The following ZNF438 variants were observed in gnomAD, a reference collection of about 807,000 sequenced individuals.
The protein encoded by ZNF438 is zinc finger protein 438.
ZNF438 carries 25 observed loss-of-function variants against 38.0 expected under a neutral mutation model. The ratio of observed to expected loss-of-function variants is 0.66; its 90% confidence interval spans 0.48 to 0.92. ZNF438 has a LOEUF of 0.92. ZNF438 is among the 40% of genes least tolerant of loss of function. The pLI is 0.00. For synonymous variants in ZNF438, 372 were observed against 364.1 expected, an observed-to-expected ratio of 1.02 and a Z score of -0.25; for missense variants, 1,007 against 999.6, an observed-to-expected ratio of 1.01 and a Z score of -0.10.
At chr10:30,845,416 G>A in exon 6 of ZNF438, 1 of 1,614,112 alleles carries the variant, frequency 6.2e-7, no homozygotes, top group Non-Finnish European at 8.5e-7. Context: ...CCTTCTTGTA[G>A]CCTGCCCTCA....
chr10:30,872,115 G>C (rs1005277528), intron 4 of ZNF438, among the ~76,000 whole-genome samples: 1 of 152,028 alleles, frequency 6.6e-6, no homozygotes, highest in Non-Finnish European at 1.5e-5. Flanking sequence ...GAGAGACTCG[G>C]CCAGGCACGG....
chr10:30,966,325 G>A (rs2050109374), intron 1 of ZNF438, among the ~76,000 whole-genome samples: 2 of 151,910 alleles, frequency 1.3e-5, no homozygotes, highest in East Asian at 1.9e-4. Flanking sequence ...GTGAGCTCCT[G>A]TTTCAAAAAA....
chr10:30,971,998 CTT>C (rs2050792136), intron 1 of ZNF438, among the ~76,000 whole-genome samples: 3 of 148,286 alleles, frequency 2.0e-5, no homozygotes, highest in African/African-American at 7.5e-5. Context: ...GAGATGGAGT[CTT>C]GCTCTGTCAC....
intron 3 of ZNF438, among the ~76,000 whole-genome samples, chr10:30,882,185 C>T (rs1018417753): frequency 6.6e-6 from 1 of 152,000 alleles, no homozygotes; most frequent in African/African-American, 2.4e-5. Flanking sequence ...TATATAAAAA[C>T]TCTCAAAACT....
chr10:30,858,918 G>A (rs2035129545), intron 4 of ZNF438, among the ~76,000 whole-genome samples: 1 of 152,150 alleles, frequency 6.6e-6, no homozygotes, highest in South Asian at 2.1e-4. Context: ...TCACTTCGCA[G>A]GGAAGGAAAT....
chr10:30,958,188 G>A (rs1039148921), intron 1 of ZNF438, among the ~76,000 whole-genome samples: 1 of 146,430 alleles, frequency 6.8e-6, no homozygotes, highest in African/African-American at 2.4e-5. Context: ...ATTTATCAAT[G>A]TGCCTTTGAT....
intron 2 of ZNF438, among the ~76,000 whole-genome samples, chr10:30,934,518 T>C (rs568679469): frequency 1.3e-5 from 2 of 152,382 alleles, no homozygotes; most frequent in East Asian, 3.9e-4. Context: ...TGTAAGTTGA[T>C]ATTAATAGCT....
exon 5 of ZNF438, chr10:30,849,003 C>T (rs777993005): frequency 1.9e-6 from 3 of 1,614,178 alleles, no homozygotes; most frequent in Non-Finnish European, 2.5e-6. Flanking sequence ...TTTAACAAAA[C>T]ATCCTGTCCT....
intron 1 of ZNF438, among the ~76,000 whole-genome samples, chr10:30,954,160 C>T (rs2048597366): frequency 6.6e-6 from 1 of 151,980 alleles, no homozygotes; most frequent in Non-Finnish European, 1.5e-5. Flanking sequence ...ACAAAATATA[C>T]CCCCATAAAG....
exon 6 of ZNF438, chr10:30,845,210 G>A (rs1428372313): frequency 6.2e-7 from 1 of 1,614,140 alleles, no homozygotes; most frequent in Admixed American, 1.7e-5. Flanking sequence ...TTCCTGACTG[G>A]GGTCCTTCAT....
intron 4 of ZNF438, among the ~76,000 whole-genome samples, chr10:30,862,779 G>A (rs901329744): frequency 1.3e-5 from 2 of 152,226 alleles, no homozygotes; most frequent in Admixed American, 6.5e-5. Flanking sequence ...AAGGCTGGAA[G>A]TTTCTTGCCT....
chr10:30,902,994 G>A (rs1479415519), intron 3 of ZNF438, among the ~76,000 whole-genome samples: 1 of 8,924 alleles, frequency 1.1e-4, no homozygotes, highest in Non-Finnish European at 2.7e-4. Context: ...GCGCAGCGCC[G>A]CACTGCTGGG....
intron 1 of ZNF438, among the ~76,000 whole-genome samples, chr10:30,966,828 T>A (rs148584856): frequency 6.6e-6 from 1 of 152,300 alleles, no homozygotes; most frequent in African/African-American, 2.4e-5. Flanking sequence ...CCCACCCCCC[T>A]GTAAAACTGT....
intron 4 of ZNF438, among the ~76,000 whole-genome samples, chr10:30,861,578 A>G (rs2035587618): frequency 6.6e-6 from 1 of 152,376 alleles, no homozygotes; most frequent in East Asian, 1.9e-4. Context: ...CATATAGTTA[A>G]TGTCCCAAGG....
At chr10:30,872,996 C>T (rs1442707207) in intron 4 of ZNF438, among the ~76,000 whole-genome samples, 1 of 152,152 alleles carries the variant, frequency 6.6e-6, no homozygotes, top group African/African-American at 2.4e-5. Context: ...TACTGCTCAC[C>T]TGTATGAGTT....
chr10:30,940,360 A>G (rs1377174011), intron 2 of ZNF438, among the ~76,000 whole-genome samples: 1 of 152,212 alleles, frequency 6.6e-6, no homozygotes, highest in Non-Finnish European at 1.5e-5. Context: ...AAAACATTAG[A>G]TGACACTGGC....
chr10:30,888,327 A>T (rs2040218734), intron 3 of ZNF438, among the ~76,000 whole-genome samples: 1 of 138,634 alleles, frequency 7.2e-6, no homozygotes. Context: ...GGCCCACTTT[A>T]GTTATATAAT....
At chr10:30,908,466 A>G (rs1319845935) in intron 3 of ZNF438, among the ~76,000 whole-genome samples, 2 of 152,294 alleles carry the variant, frequency 1.3e-5, no homozygotes, top group African/African-American at 2.4e-5. Context: ...AGGGCTCACC[A>G]TGCCATTTAA....
At chr10:30,992,602 G>T (rs1178050159) in intron 1 of ZNF438, among the ~76,000 whole-genome samples, 2 of 152,136 alleles carry the variant, frequency 1.3e-5, no homozygotes, top group African/African-American at 4.8e-5. Flanking sequence ...TATTAGAGGA[G>T]GGGTTCTGCC....
Sources: allele counts gnomAD v4.1 joint callset (sites outside exome capture counted in the v4.1 genomes callset), GRCh38; gene constraint gnomAD v4.1.1; transcripts MANE v1.5; gene names NCBI Gene and HGNC (gene_info 2026-07-23, HGNC 2026-07-21).